SENP7: variants seen among roughly 807,000 people sequenced by gnomAD.
SENP7 encodes the protein sentrin-specific protease 7.
Under a neutral mutation model 141.2 loss-of-function variants are expected in SENP7, and 64 were observed. That is an observed-to-expected ratio of 0.45 (90% CI 0.37 to 0.56). The LOEUF is 0.56. Ranked by LOEUF, SENP7 falls within the 20% of genes least tolerant of loss-of-function variation. The probability of loss-of-function intolerance (pLI) is 0.00; values close to 1 mark genes in which losing one functional copy is unlikely to be tolerated. For synonymous variants in SENP7, 382 were observed against 426.4 expected, an observed-to-expected ratio of 0.90 and a Z score of 1.28; for missense variants, 1,025 against 1,212.2, an observed-to-expected ratio of 0.85 and a Z score of 2.29.
At chr3:101,470,316 C>T (rs889278718) in intron 3 of SENP7, among the ~76,000 whole-genome samples, 5 of 152,154 alleles carry the variant, frequency 3.3e-5, no homozygotes, top group African/African-American at 9.7e-5. Flanking sequence ...ACAATCAAGT[C>T]GGCTTCATCC....
At chr3:101,326,295 G>C (rs1996691) in intron 23 of SENP7, among the ~76,000 whole-genome samples, 61,181 of 151,756 alleles carry the variant, frequency 0.4, 12,770 homozygotes, top group Admixed American at 0.54. Context: ...TATGAGAGGG[G>C]CAGAACCTGA....
chr3:101,347,818 CTATT>C (rs753243239), intron 13 of SENP7, 50 bp downstream of exon 13: 29 of 822,174 alleles, frequency 3.5e-5, no homozygotes, highest in Non-Finnish European at 4.5e-5. Context: ...TAGGAAAAAA[CTATT>C]TATGACAATT....
chr3:101,394,935 G>A (rs2060925913), intron 6 of SENP7, among the ~76,000 whole-genome samples: 1 of 152,064 alleles, frequency 6.6e-6, no homozygotes, highest in South Asian at 2.1e-4. Context: ...TTTGTCATTT[G>A]TATGTCTTTT....
intron 2 of SENP7, among the ~76,000 whole-genome samples, chr3:101,498,079 G>A (rs530122281): frequency 6.6e-6 from 1 of 152,248 alleles, no homozygotes; most frequent in Non-Finnish European, 1.5e-5. Context: ...TTACAGTTGT[G>A]AGCCACCACA....
intron 4 of SENP7, among the ~76,000 whole-genome samples, chr3:101,425,744 T>C (rs1479553629): frequency 2.0e-5 from 3 of 151,894 alleles, no homozygotes; most frequent in African/African-American, 7.3e-5. Flanking sequence ...TGAAAACCAA[T>C]CCAAGGAAGC....
intron 12 of SENP7, among the ~76,000 whole-genome samples, chr3:101,350,867 CTTAA>C (rs953809396): frequency 4.6e-5 from 7 of 151,840 alleles, no homozygotes; most frequent in South Asian, 2.1e-4. Context: ...ATTCTTAATA[CTTAA>C]TTAAGATACA....
intron 3 of SENP7, among the ~76,000 whole-genome samples, chr3:101,471,844 T>C (rs141863798): frequency 0.014 from 2,130 of 152,058 alleles, 51 homozygotes; most frequent in African/African-American, 0.049. Context: ...GGGCAAAGGA[T>C]ATGAACAGAC....
At chr3:101,414,452 T>A in intron 5 of SENP7, 24 of 1,266,188 alleles carry the variant, frequency 1.9e-5, no homozygotes, top group Non-Finnish European at 2.8e-5. Flanking sequence ...CAGGACCACC[T>A]GGCCCAGTGT....
intron 20 of SENP7, among the ~76,000 whole-genome samples, chr3:101,330,113 A>G (rs185011340): frequency 2.0e-5 from 3 of 152,334 alleles, no homozygotes; most frequent in Admixed American, 2.0e-4. Flanking sequence ...AACATCAGAT[A>G]AACTACTAAA....
intron 4 of SENP7, among the ~76,000 whole-genome samples, chr3:101,419,949 G>A (rs1023952573): frequency 6.6e-6 from 1 of 152,196 alleles, no homozygotes; most frequent in South Asian, 2.1e-4. Context: ...TAAGTAAAAC[G>A]AGTGAGTAGT....
Position 101,499,535 on chromosome 3 carries a change from A to ATTTTTTTTTTTTTTTTTTTTTTTTTT in SENP7, c.90+1534_90+1535insAAAAAAAAAAAAAAAAAAAAAAAAAA, listed in dbSNP as rs55855998. Reference sequence around the variant, plus strand: ...AGGCACCTGCCATCATGCCCAGCTAATTTTTTTTTTTTTTCTTGGAGACAG... The same window carrying ATTTTTTTTTTTTTTTTTTTTTTTTTT: ...AGGCACCTGCCATCATGCCCAGCTAATTTTTTTTTTTTTTTTTTTTTTTTTTTTTTTTTTTTTTTTCTTGGAGACAG... On this transcript the variant is annotated intron_variant, in intron 2 of 23. Transcript: ENST00000394095. Among the ~76,000 whole-genome samples, 91 of 138,756 alleles carry ATTTTTTTTTTTTTTTTTTTTTTTTTT rather than the reference A, an allele frequency of 6.6e-4. 3 individuals carry two copies. The highest frequency in any genetic ancestry group is 7.9e-4 in the Admixed American group (11 of 13,924). The allele number at this position is 138,756 out of a possible 152,430, so 91.0% of individuals were successfully genotyped here.
chr3:101,463,394 T>A (rs1042944531), intron 3 of SENP7, among the ~76,000 whole-genome samples: 1 of 86,834 alleles, frequency 1.2e-5, no homozygotes, highest in Non-Finnish European at 2.2e-5. Context: ...TATATATATA[T>A]ATACATATAT....
At chr3:101,444,508 A>G (rs1234154290) in intron 4 of SENP7, among the ~76,000 whole-genome samples, 3 of 152,100 alleles carry the variant, frequency 2.0e-5, no homozygotes, top group Non-Finnish European at 2.9e-5. Flanking sequence ...TCCAACAATG[A>G]TAGACTGGAT....
At chr3:101,352,579 T>C (rs1202624774) in intron 11 of SENP7, among the ~76,000 whole-genome samples, 1 of 152,036 alleles carries the variant, frequency 6.6e-6, no homozygotes, top group African/African-American at 2.4e-5. Context: ...CCTAGCTAAA[T>C]CTTACATGTA....
Position 101,402,461 on chromosome 3 carries a change from T to G in SENP7, c.483-3406A>C, listed in dbSNP as rs1201353498. Among the ~76,000 whole-genome samples, 3 of 151,292 alleles carry G rather than the reference T, an allele frequency of 2.0e-5. No homozygotes were observed. The South Asian group carries it at 6.3e-4, about 32-fold the overall frequency. ...CAACATGGTGAAACCCCACCTCTAC[T>G]AAAAAAAACAATTTGCCAGGCATGG... is the stretch of plus-strand genomic sequence containing the variant. On this transcript the variant is annotated intron_variant, in intron 5 of 23. Transcript: ENST00000394095.
intron 3 of SENP7, among the ~76,000 whole-genome samples, chr3:101,465,290 A>G (rs7653081): frequency 0.4 from 60,371 of 151,908 alleles, 12,514 homozygotes; most frequent in Admixed American, 0.54. Flanking sequence ...GGACAAGCCA[A>G]CTCCACCTAT....
At chr3:101,360,374 T>G (rs1038120878) in intron 11 of SENP7, among the ~76,000 whole-genome samples, 1 of 152,210 alleles carries the variant, frequency 6.6e-6, no homozygotes, top group African/African-American at 2.4e-5. Flanking sequence ...CAGACATTGA[T>G]AGATATCCAT....
At chr3:101,449,685 C>T (rs2107819245) in intron 4 of SENP7, among the ~76,000 whole-genome samples, 1 of 152,238 alleles carries the variant, frequency 6.6e-6, no homozygotes, top group Admixed American at 6.5e-5. Flanking sequence ...ATTTTGTCAC[C>T]ACCAGGCCTG....
intron 4 of SENP7, among the ~76,000 whole-genome samples, chr3:101,425,530 A>T (rs985803777): frequency 3.9e-5 from 6 of 152,194 alleles, no homozygotes; most frequent in African/African-American, 1.4e-4. Context: ...AACTTCAAAG[A>T]CTGAAGGAAC....
Sources: gnomAD v4.1 joint callset for allele counts (sites outside exome capture counted in the v4.1 genomes callset) on GRCh38, gnomAD v4.1.1 for gene constraint, MANE v1.5 for transcripts, NCBI Gene and HGNC (gene_info 2026-07-23, HGNC 2026-07-21) for gene names.